MEGF11: variants seen among roughly 807,000 people sequenced by gnomAD.
MEGF11 encodes multiple EGF like domains 11.
Under a neutral mutation model 146.6 loss-of-function variants are expected in MEGF11, and 126 were observed. The observed-to-expected ratio is 0.86, with a 90% CI of 0.74 to 1.00. The LOEUF is 1.00. MEGF11 is among the 50% of genes least tolerant of loss of function. The pLI is 0.00. For synonymous variants in MEGF11, 532 were observed against 583.4 expected, an observed-to-expected ratio of 0.91 and a Z score of 1.27; for missense variants, 1,509 against 1,521.2, an observed-to-expected ratio of 0.99 and a Z score of 0.13.
intron 2 of MEGF11, among the ~76,000 whole-genome samples, 193 bp from the exon 3 acceptor site, chr15:66,124,193 T>A (rs779811566): frequency 6.6e-6 from 1 of 152,084 alleles, no homozygotes; most frequent in Non-Finnish European, 1.5e-5. Flanking sequence ...CGACCCCAGG[T>A]TGGCCCCAGG....
At chr15:66,050,169 C>T (rs2084393225) in intron 5 of MEGF11, among the ~76,000 whole-genome samples, 1 of 152,240 alleles carries the variant, frequency 6.6e-6, no homozygotes, top group Non-Finnish European at 1.5e-5. Flanking sequence ...AAGCAATCCT[C>T]CTGTCTCAGC....
intron 13 of MEGF11, among the ~76,000 whole-genome samples, chr15:65,923,386 A>G (rs150159269): frequency 1.3e-5 from 2 of 152,274 alleles, no homozygotes; most frequent in African/African-American, 4.8e-5. Flanking sequence ...GGAACCAACT[A>G]TGGGCAAGTA....
At chr15:66,130,233 G>A (rs994957031) in intron 1 of MEGF11, among the ~76,000 whole-genome samples, 2 of 152,176 alleles carry the variant, frequency 1.3e-5, no homozygotes, top group African/African-American at 2.4e-5. Flanking sequence ...GTCAAAAGTG[G>A]AACAAGCATC....
intron 5 of MEGF11, among the ~76,000 whole-genome samples, chr15:66,043,500 G>A (rs888565692): frequency 6.6e-6 from 1 of 152,254 alleles, no homozygotes; most frequent in Non-Finnish European, 1.5e-5. Context: ...TTTGCACAGC[G>A]AATGTAATTA....
At chr15:66,028,785 A>C (rs897866505) in intron 5 of MEGF11, among the ~76,000 whole-genome samples, 2 of 152,236 alleles carry the variant, frequency 1.3e-5, no homozygotes, top group Non-Finnish European at 2.9e-5. Flanking sequence ...AAAAAGTTAG[A>C]ATGTAAAATT....
At chr15:65,956,261 T>G (rs1003591287) in intron 10 of MEGF11, among the ~76,000 whole-genome samples, 5 of 152,226 alleles carry the variant, frequency 3.3e-5, no homozygotes, top group African/African-American at 1.2e-4. Flanking sequence ...CCAGCATTAT[T>G]GGTATCACTT....
At chr15:66,150,833 A>ATT (rs1306498991) in intron 1 of MEGF11, among the ~76,000 whole-genome samples, 47 of 102,962 alleles carry the variant, frequency 4.6e-4, no homozygotes, top group Non-Finnish European at 8.2e-4. Flanking sequence ...CGAGAGAGAG[A>ATT]GAGAGAGAGA....
intron 5 of MEGF11, among the ~76,000 whole-genome samples, chr15:66,029,293 G>C (rs2083439707): frequency 6.6e-6 from 1 of 152,154 alleles, no homozygotes. Context: ...TCAAGTTCAA[G>C]GGCCTGGTGG....
chr15:65,948,842 T>C (rs2080291514), intron 10 of MEGF11, among the ~76,000 whole-genome samples: 1 of 152,122 alleles, frequency 6.6e-6, no homozygotes. Flanking sequence ...TGTGTGTGTG[T>C]GTCTTATTTT....
chr15:66,212,381 T>A (rs1446294308), intron 1 of MEGF11, among the ~76,000 whole-genome samples: 1 of 152,036 alleles, frequency 6.6e-6, no homozygotes, highest in African/African-American at 2.4e-5. Flanking sequence ...CCCATCCCCA[T>A]CAGCACAAGC....
At chr15:65,915,844 A>G (rs1374858691) in intron 18 of MEGF11, among the ~76,000 whole-genome samples, 6 of 152,112 alleles carry the variant, frequency 3.9e-5, no homozygotes, top group Admixed American at 3.3e-4. Flanking sequence ...TCCACCTGCC[A>G]TGCCCTAATC....
intron 1 of MEGF11, among the ~76,000 whole-genome samples, chr15:66,170,787 C>G (rs2090229980): frequency 2.0e-5 from 3 of 152,048 alleles, no homozygotes; most frequent in Admixed American, 1.3e-4. Flanking sequence ...CCTCCCTCCC[C>G]ACAAGCACGG....
chr15:65,964,056 C>G (rs1210674363), intron 9 of MEGF11, among the ~76,000 whole-genome samples: 1 of 152,242 alleles, frequency 6.6e-6, no homozygotes, highest in Admixed American at 6.5e-5. Flanking sequence ...GCTCCCCTGA[C>G]CTTCATCACC....
chr15:66,239,004 G>C (rs1214644126), intron 1 of MEGF11, among the ~76,000 whole-genome samples: 1 of 152,224 alleles, frequency 6.6e-6, no homozygotes, highest in African/African-American at 2.4e-5. Flanking sequence ...CTGCCACAGA[G>C]CAGGTGCTCA....
At chr15:66,251,256 C>T (rs1050704988) in intron 1 of MEGF11, among the ~76,000 whole-genome samples, 2 of 152,224 alleles carry the variant, frequency 1.3e-5, no homozygotes, top group African/African-American at 4.8e-5. Flanking sequence ...GCCCTGTATC[C>T]TGACAACCCT....
At position 65,896,275 on chromosome 15, in the gene MEGF11, G is replaced by A. The variant is rs2078357514; in HGVS notation, c.*1659C>T. ...ATGCACACATGCAACATTCATGTAA[G>A]TATTACATATTTTCCTCTAACAGTA... On this transcript the variant is annotated 3_prime_UTR_variant, in exon 26 of 26. Transcript: ENST00000395614. 1 of 152,606 alleles carries A rather than the reference G, an allele frequency of 6.6e-6. No homozygotes were observed. The highest frequency in any genetic ancestry group is 6.5e-5 in the Admixed American group (1 of 15,284). 9.5% of individuals were successfully genotyped at this position (152,606 alleles called of 1,614,324 possible).
chr15:66,065,933 T>C lies in MEGF11; in HGVS notation c.394+28469A>G, dbSNP rs542937410. 2.6e-3 allele frequency among the ~76,000 whole-genome samples: 394 copies of C among 152,278 alleles called. 2 individuals are homozygous for C. Among genetic ancestry groups the C allele is most frequent in the Non-Finnish European group, 5.0e-3 (339 of 68,006 alleles). On this transcript the variant is annotated intron_variant, in intron 5 of 25. Transcript: ENST00000395614. The stretch of plus-strand genomic sequence containing the variant: ...AGGGGCTGGGGCCTGGGGTGAGGGC[T>C]GTGCCTTGGTGGTGGGAGGACAGTT...
chr15:66,130,730 GAGGAAGGA>G (rs137881134), intron 1 of MEGF11, among the ~76,000 whole-genome samples: 1 of 140,980 alleles, frequency 7.1e-6, no homozygotes, highest in Non-Finnish European at 1.5e-5. Flanking sequence ...AAGAGGGAGG[GAGGAAGGA>G]AGGAAGGAAG....
Position 65,943,073 on chromosome 15 carries a change from G to A in MEGF11, c.1288-12130C>T, listed in dbSNP as rs1002277359. On this transcript the variant is annotated intron_variant, in intron 10 of 25. Transcript: ENST00000395614. ...ACAATCTCGGCTCACTGCAACCACC[G>A]CCCCCCGGGTTCAAGCGATTCTCCT... Among the ~76,000 whole-genome samples, 6 of 121,228 alleles carry A rather than the reference G, an allele frequency of 4.9e-5. No individual in the cohort carries two copies. The Admixed American group carries it at 5.5e-4, about 11-fold the overall frequency. The allele number at this position is 121,228 out of a possible 152,430, so 79.5% of individuals were successfully genotyped here. A position where few individuals can be genotyped will look rare whatever the true frequency, so the allele number is the denominator to read the frequency against.
Sources: gnomAD v4.1 joint callset for allele counts (sites outside exome capture counted in the v4.1 genomes callset) on GRCh38, gnomAD v4.1.1 for gene constraint, MANE v1.5 for transcripts, NCBI Gene and HGNC (gene_info 2026-07-23, HGNC 2026-07-21) for gene names.